Variants in WNT2 observed in about 807,000 individuals in gnomAD.
The protein encoded by WNT2 is Wnt family member 2, also known as protein Wnt-2.
WNT2 carries 12 observed loss-of-function variants against 36.9 expected under a neutral mutation model. That is an observed-to-expected ratio of 0.33 (90% CI 0.21 to 0.53). WNT2 has a LOEUF of 0.53. WNT2 is among the 20% of genes least tolerant of loss of function. The pLI is 0.95. For missense variants in WNT2, 379 were observed against 473.1 expected, an observed-to-expected ratio of 0.80 and a Z score of 1.84; for synonymous variants, 163 against 174.6, an observed-to-expected ratio of 0.93 and a Z score of 0.52.
chr7:117,295,872 G>T (rs1298957453), intron 4 of WNT2, among the ~76,000 whole-genome samples: 1 of 152,128 alleles, frequency 6.6e-6, no homozygotes, highest in Non-Finnish European at 1.5e-5. Context: ...TGTGAACGTG[G>T]TTCTTGGTTG....
intron 4 of WNT2, among the ~76,000 whole-genome samples, chr7:117,287,956 C>A (rs1052350105): frequency 1.3e-5 from 2 of 152,058 alleles, no homozygotes; most frequent in Admixed American, 6.5e-5. Flanking sequence ...CCATTGTACT[C>A]CAGCCTAGGT....
At chr7:117,307,810 T>C (rs1273337493) in intron 3 of WNT2, among the ~76,000 whole-genome samples, 1 of 152,242 alleles carries the variant, frequency 6.6e-6, no homozygotes, top group African/African-American at 2.4e-5. Context: ...AGGCAGTCCA[T>C]TGTATGCTGT....
intron 4 of WNT2, among the ~76,000 whole-genome samples, chr7:117,292,116 T>G (rs573656858): frequency 3.3e-4 from 51 of 152,282 alleles, no homozygotes; most frequent in Middle Eastern, 6.8e-3. Context: ...GCATTGACGC[T>G]TTTGAAAATC....
At chr7:117,313,063 G>A (rs1795151701) in intron 3 of WNT2, among the ~76,000 whole-genome samples, 1 of 152,182 alleles carries the variant, frequency 6.6e-6, no homozygotes, top group South Asian at 2.1e-4. Context: ...CTGGGAGGTG[G>A]GGGCTTTCTA....
chr7:117,290,585 A>C (rs1466893223), intron 4 of WNT2, among the ~76,000 whole-genome samples: 1 of 152,242 alleles, frequency 6.6e-6, no homozygotes, highest in Non-Finnish European at 1.5e-5. Context: ...ATAAGTGTCA[A>C]AGCAGAAGGA....
chr7:117,279,739 A>G lies in WNT2; in HGVS notation c.854-1355T>C, dbSNP rs533659615. Among the ~76,000 whole-genome samples, 75 of 152,262 alleles carry G rather than the reference A, an allele frequency of 4.9e-4. 1 individual carries two copies. Among genetic ancestry groups the G allele is most frequent in the Middle Eastern group, 3.4e-3 (1 of 294 alleles). ...ATAAGAAGCTTCCCCTTGTGGCTTA[A>G]ACTGTCCCAGTTTCTATTGCTTGCT... is the stretch of plus-strand genomic sequence containing the variant. On this transcript the variant is annotated intron_variant, in intron 4 of 4. Coordinates refer to ENST00000265441, the MANE Select transcript of WNT2 (RefSeq NM_003391.3).
chr7:117,304,374 A>ATTATT (rs1794972574), intron 3 of WNT2, among the ~76,000 whole-genome samples: 1 of 149,790 alleles, frequency 6.7e-6, no homozygotes, highest in Non-Finnish European at 1.5e-5. Flanking sequence ...ATATCACAAT[A>ATTATT]TTATTCCCCA....
At chr7:117,287,789 A>T (rs959303161) in intron 4 of WNT2, among the ~76,000 whole-genome samples, 3 of 152,088 alleles carry the variant, frequency 2.0e-5, no homozygotes, top group African/African-American at 4.8e-5. Flanking sequence ...GGAGTTCAAG[A>T]CCAGCCTGGC....
intron 3 of WNT2, among the ~76,000 whole-genome samples, chr7:117,304,592 C>A (rs915667831): frequency 6.6e-6 from 1 of 152,102 alleles, no homozygotes; most frequent in East Asian, 1.9e-4. Flanking sequence ...TCCGCCACCA[C>A]GCCCAGCTAA....
At chr7:117,293,658 C>A (rs1220859517) in intron 4 of WNT2, among the ~76,000 whole-genome samples, 2 of 151,970 alleles carry the variant, frequency 1.3e-5, no homozygotes, top group African/African-American at 4.8e-5. Flanking sequence ...CCTGGCTATC[C>A]CAGGATGATA....
In WNT2 at chr7:117,314,702, A is replaced by T. The variant is rs367736552; in HGVS notation, c.588+369T>A. On this transcript the variant is annotated intron_variant, in intron 3 of 4. Transcript: ENST00000265441. ...AAAAGATGCTCTGGGTCTAATCTTT[A>T]TATCCCTTAGATATAAGCATTCAGT... Among the ~76,000 whole-genome samples the T allele has an allele frequency of 2.8e-3, 422 of 151,932 alleles. 4 individuals carry two copies. The highest frequency in any genetic ancestry group is 6.9e-3 in the African/African-American group (286 of 41,438).
intron 2 of WNT2, among the ~76,000 whole-genome samples, chr7:117,317,801 A>G (rs916222552): frequency 3.3e-5 from 5 of 152,168 alleles, no homozygotes; most frequent in Non-Finnish European, 5.9e-5. Flanking sequence ...TGGGGTAGAG[A>G]GATTGTTACC....
rs559160298 is a variant in WNT2, at chr7:117,322,942, C to G, written c.48G>C (p.Leu16Phe). The G allele has an allele frequency of 6.2e-7, 1 of 1,613,818 alleles. No homozygotes were observed. Among genetic ancestry groups the G allele is most frequent in the African/African-American group, 1.3e-5 (1 of 75,024 alleles). Reference protein sequence around the residue: ...GGIWLWLPLLLTWLTPEVNSS... With the variant: ...GGIWLWLPLLFTWLTPEVNSS... Reference sequence around the variant, plus strand: ...AGTTGACCTCGGGGGTGAGCCAGGTCAAGAGCAGAGGGAGCCAGAGCCAGA... The same window carrying G: ...AGTTGACCTCGGGGGTGAGCCAGGTGAAGAGCAGAGGGAGCCAGAGCCAGA... Residue 16 changes from leucine to phenylalanine, a missense_variant, in exon 1 of 5, where the codon TTG becomes TTC. Leu to Phe is a conservative substitution (Grantham distance 22). Transcript: ENST00000265441. The surrounding 1 kb of genome is among the most constrained non-coding windows in gnomAD (Gnocchi z 5.4).
chr7:117,295,262 C>T (rs186246114), intron 4 of WNT2, among the ~76,000 whole-genome samples: 183 of 152,320 alleles, frequency 1.2e-3, no homozygotes, highest in Non-Finnish European at 1.4e-3. Flanking sequence ...AGTGTCCTCC[C>T]ATAAAATGGG....
intron 1 of WNT2, among the ~76,000 whole-genome samples, chr7:117,321,312 T>A (rs1795322341): frequency 6.6e-6 from 1 of 152,216 alleles, no homozygotes. Context: ...TGTTACACTC[T>A]CCTCACAGAC....
At chr7:117,291,036 CG>C (rs373918925) in intron 4 of WNT2, among the ~76,000 whole-genome samples, 74 of 152,268 alleles carry the variant, frequency 4.9e-4, no homozygotes, top group African/African-American at 1.7e-3. Context: ...GACACAATCC[CG>C]GCATTCATGA....
At chr7:117,293,224 A>G (rs1794726045) in intron 4 of WNT2, among the ~76,000 whole-genome samples, 1 of 152,210 alleles carries the variant, frequency 6.6e-6, no homozygotes, top group African/African-American at 2.4e-5. Context: ...AAAGTAGACC[A>G]GACCTGTAGA....
At chr7:117,280,864 A>T (rs1367044086) in intron 4 of WNT2, among the ~76,000 whole-genome samples, 1 of 152,272 alleles carries the variant, frequency 6.6e-6, no homozygotes, top group Non-Finnish European at 1.5e-5. Context: ...TTGAGTGACT[A>T]CTATGTGCTA....
chr7:117,289,675 C>T (rs1220152731), intron 4 of WNT2, among the ~76,000 whole-genome samples: 3 of 152,134 alleles, frequency 2.0e-5, no homozygotes, highest in African/African-American at 7.2e-5. Context: ...TGTTTGTGTA[C>T]TAGGAGTTGG....
Sources: gnomAD v4.1 joint callset for allele counts (sites outside exome capture counted in the v4.1 genomes callset) on GRCh38, gnomAD v4.1.1 for gene constraint, Gnocchi (gnomAD v3.1) non-coding constraint, MANE v1.5 for transcripts, NCBI Gene and HGNC (gene_info 2026-07-23, HGNC 2026-07-21) for gene names.